ZDHHC3: variants seen among roughly 807,000 people sequenced by gnomAD.
The protein encoded by ZDHHC3 is zDHHC palmitoyltransferase 3.
In ZDHHC3, 9 loss-of-function variants were observed where a neutral mutation model predicts 30.6. The ratio of observed to expected loss-of-function variants is 0.29; its 90% confidence interval spans 0.18 to 0.51. ZDHHC3 has a LOEUF of 0.51. Among genes scored for constraint, ZDHHC3 ranks in the 20% least tolerant of loss-of-function variants. The pLI is 0.97. For missense variants in ZDHHC3, 246 were observed against 384.2 expected (o/e 0.64, Z 3.01); for synonymous variants, 136 against 140.2 (o/e 0.97, Z 0.21).
chr3:44,917,712 C>T lies in ZDHHC3; in HGVS notation c.*8977G>A, dbSNP rs185054734. Reference sequence around the variant, plus strand: ...TCCTCTGATGTCCCCAGCCTACTCCCGACCCCCAGACCTGGCCCAACATGG... The same window carrying T: ...TCCTCTGATGTCCCCAGCCTACTCCTGACCCCCAGACCTGGCCCAACATGG... On this transcript the variant is annotated 3_prime_UTR_variant, in exon 7 of 7. Coordinates refer to ENST00000424952, the MANE Select transcript of ZDHHC3 (RefSeq NM_001135179.2). 3.2e-5 allele frequency: 20 copies of T among 615,844 alleles called. No homozygotes were observed. Among genetic ancestry groups the T allele is most frequent in the African/African-American group, 1.2e-4 (6 of 51,624 alleles). 38.1% of individuals were successfully genotyped at this position (615,844 alleles called of 1,614,324 possible).
intron 2 of ZDHHC3, among the ~76,000 whole-genome samples, chr3:44,950,257 C>G (rs1444253510): frequency 6.6e-6 from 1 of 152,206 alleles, no homozygotes; most frequent in East Asian, 1.9e-4. Flanking sequence ...AAAGGGACAT[C>G]CTTTCCCCCA....
Position 44,921,576 on chromosome 3 carries a change from G to A in ZDHHC3, c.*5113C>T. 9 of 985,422 alleles carry A rather than the reference G, an allele frequency of 9.1e-6. No individual in the cohort carries two copies. Among genetic ancestry groups the A allele is most frequent in the Non-Finnish European group, 1.1e-5 (9 of 829,936 alleles). 61.0% of individuals were successfully genotyped at this position (985,422 alleles called of 1,614,324 possible). ...CAAACCATGAATGGCTGTGACCAAT[G>A]GTTTGAAAAGCACAGCTCCAACACA... On this transcript the variant is annotated 3_prime_UTR_variant, in exon 7 of 7. Transcript: ENST00000424952.
chr3:44,917,076 G>C lies in ZDHHC3; in HGVS notation c.*9613C>G, dbSNP rs1700224935. On this transcript the variant is annotated 3_prime_UTR_variant, in exon 7 of 7. Coordinates refer to ENST00000424952, the MANE Select transcript of ZDHHC3 (RefSeq NM_001135179.2). Reference sequence around the variant, plus strand: ...AGGGAGTCCCCAGTAGCTCCAAAGAGGTCCTTCCCATATCCACATCTGTGA... The same window carrying C: ...AGGGAGTCCCCAGTAGCTCCAAAGACGTCCTTCCCATATCCACATCTGTGA... 1 of 152,180 alleles carries C rather than the reference G, an allele frequency of 6.6e-6. No individual in the cohort carries two copies. The highest frequency in any genetic ancestry group is 2.4e-5 in the African/African-American group (1 of 41,432). The allele number at this position is 152,180 out of a possible 1,614,324, so 9.4% of individuals were successfully genotyped here.
At chr3:44,968,095 C>T (rs1178925538) in intron 1 of ZDHHC3, among the ~76,000 whole-genome samples, 2 of 152,124 alleles carry the variant, frequency 1.3e-5, no homozygotes, top group Non-Finnish European at 2.9e-5. Flanking sequence ...GCTCTGCTTG[C>T]CGTCACAGAC....
At chr3:44,933,578 T>G in intron 4 of ZDHHC3, 1 of 533,382 alleles carries the variant, frequency 1.9e-6, no homozygotes. Flanking sequence ...TCCACCTACC[T>G]GCACCTCAGG....
Position 44,947,206 on chromosome 3 carries a change from C to A in ZDHHC3, c.307-1914G>T, listed in dbSNP as rs183442464. ...CTGGTAAGTGGTGGCACGTCAAAAC[C>A]ATTAAGAGAGCAGAAGGAAGTTCTG... is the stretch of plus-strand genomic sequence containing the variant. On this transcript the variant is annotated intron_variant, in intron 2 of 6. Transcript: ENST00000424952. Among the ~76,000 whole-genome samples the A allele has an allele frequency of 2.0e-5, 3 of 152,126 alleles. No individual in the cohort carries two copies. The South Asian group carries it at 6.2e-4, about 32-fold the overall frequency.
At chr3:44,967,478 G>GTTC (rs1705054142) in intron 1 of ZDHHC3, among the ~76,000 whole-genome samples, 1 of 152,190 alleles carries the variant, frequency 6.6e-6, no homozygotes, top group East Asian at 1.9e-4. Flanking sequence ...GAGCCCAGGA[G>GTTC]TTAGAGACCA....
At chr3:44,931,098 T>C (rs1701449103) in intron 5 of ZDHHC3, among the ~76,000 whole-genome samples, 1 of 152,228 alleles carries the variant, frequency 6.6e-6, no homozygotes, top group Admixed American at 6.5e-5. Context: ...TTGTTTTGCT[T>C]ACTGCTGTAC....
Position 44,923,152 on chromosome 3 carries a change from T to G in ZDHHC3, c.*3537A>C. Reference sequence around the variant, plus strand: ...GTGCAGTGGTGCGATCTTGGCTCACTGCAAGCTCCACTTCCCGGGTTCACG... The same window carrying G: ...GTGCAGTGGTGCGATCTTGGCTCACGGCAAGCTCCACTTCCCGGGTTCACG... On this transcript the variant is annotated 3_prime_UTR_variant, in exon 7 of 7. Coordinates refer to ENST00000424952, the MANE Select transcript of ZDHHC3 (RefSeq NM_001135179.2). The G allele has an allele frequency of 1.3e-5, 12 of 930,346 alleles. No homozygotes were observed. The highest frequency in any genetic ancestry group is 1.5e-5 in the Non-Finnish European group (12 of 780,534). 57.6% of individuals were successfully genotyped at this position (930,346 alleles called of 1,614,324 possible).
chr3:44,968,449 C>A (rs1705140804), intron 1 of ZDHHC3, among the ~76,000 whole-genome samples: 1 of 152,210 alleles, frequency 6.6e-6, no homozygotes, highest in Non-Finnish European at 1.5e-5. Flanking sequence ...TGTAAGGACA[C>A]TTTGGGAGAC....
intron 2 of ZDHHC3, among the ~76,000 whole-genome samples, chr3:44,946,473 G>C (rs1248622078): frequency 6.6e-6 from 1 of 152,182 alleles, no homozygotes; most frequent in Non-Finnish European, 1.5e-5. Context: ...ATGGACTCAG[G>C]AATCACAGGA....
At chr3:44,973,221 A>G (rs1006185136) in intron 1 of ZDHHC3, among the ~76,000 whole-genome samples, 2 of 152,168 alleles carry the variant, frequency 1.3e-5, no homozygotes, top group African/African-American at 4.8e-5. Context: ...TCCTTCACCA[A>G]ATAATCTGGT....
At position 44,976,097 on chromosome 3, in the gene ZDHHC3, C is replaced by T. The variant is rs1222537904; in HGVS notation, c.-189G>A. 6.7e-6 allele frequency: 3 copies of T among 449,240 alleles called. No individual in the cohort carries two copies. The highest frequency in any genetic ancestry group is 1.1e-5 in the Non-Finnish European group (3 of 264,566). The allele number at this position is 449,240 out of a possible 1,614,324, so 27.8% of individuals were successfully genotyped here. ...TCTCTGGACTCGGCCAGACACCGGG[C>T]GGCGCGCAGGAGAAGCCCATCGAGC... On this transcript the variant is annotated 5_prime_UTR_variant, in exon 1 of 7. Coordinates refer to ENST00000424952, the MANE Select transcript of ZDHHC3 (RefSeq NM_001135179.2).
At position 44,924,365 on chromosome 3, in the gene ZDHHC3, A is replaced by G. The variant is rs1194017135; in HGVS notation, c.*2324T>C. 2 of 985,346 alleles carry G rather than the reference A, an allele frequency of 2.0e-6. No homozygotes were observed. The highest frequency in any genetic ancestry group is 2.4e-6 in the Non-Finnish European group (2 of 829,946). The allele number at this position is 985,346 out of a possible 1,614,324, so 61.0% of individuals were successfully genotyped here. A position where few individuals can be genotyped will look rare whatever the true frequency, so the allele number is the denominator to read the frequency against. ...TCAGTCTGAACAAAAATGAAATAGGAAAAATGCCAGGAACCTTGGGGTATT... is the reference window on the plus strand; with the variant it reads ...TCAGTCTGAACAAAAATGAAATAGGGAAAATGCCAGGAACCTTGGGGTATT... On this transcript the variant is annotated 3_prime_UTR_variant, in exon 7 of 7. Coordinates refer to ENST00000424952, the MANE Select transcript of ZDHHC3 (RefSeq NM_001135179.2).
intron 1 of ZDHHC3, among the ~76,000 whole-genome samples, chr3:44,967,669 C>T (rs1559723864): frequency 6.6e-6 from 1 of 151,994 alleles, no homozygotes; most frequent in Non-Finnish European, 1.5e-5. Context: ...TTATACATTG[C>T]AATGAACAGA....
chr3:44,973,172 T>C (rs1317580547), intron 1 of ZDHHC3, among the ~76,000 whole-genome samples: 2 of 152,228 alleles, frequency 1.3e-5, no homozygotes, highest in African/African-American at 4.8e-5. Context: ...ACTATATAGT[T>C]CATAGGACAG....
chr3:44,926,891 C>G, intron 6 of ZDHHC3, 44 bp from the exon 7 acceptor site: 1 of 1,547,534 alleles, frequency 6.5e-7, no homozygotes, highest in Admixed American at 2.0e-5. Context: ...CACTGCATTG[C>G]TGTGGTTTCT....
In ZDHHC3 at chr3:44,916,774, C is replaced by T. The variant is rs1333645883; in HGVS notation, c.*9915G>A. 2 of 152,224 alleles carry T rather than the reference C, an allele frequency of 1.3e-5. No homozygotes were observed. Among genetic ancestry groups the T allele is most frequent in the East Asian group, 3.9e-4 (2 of 5,180 alleles). The allele number at this position is 152,224 out of a possible 1,614,324, so 9.4% of individuals were successfully genotyped here. A position where few individuals can be genotyped will look rare whatever the true frequency, so the allele number is the denominator to read the frequency against. ...CTGCTCAGACCTTCAGCAGTGGTCA[C>T]AGACACCACAGGCTTCAAATGGGGT... On this transcript the variant is annotated 3_prime_UTR_variant, in exon 7 of 7. Coordinates refer to ENST00000424952, the MANE Select transcript of ZDHHC3 (RefSeq NM_001135179.2).
chr3:44,951,452 C>T (rs890399828), intron 2 of ZDHHC3, among the ~76,000 whole-genome samples: 1 of 152,146 alleles, frequency 6.6e-6, no homozygotes, highest in Non-Finnish European at 1.5e-5. Context: ...TAGTACCTTC[C>T]TTGACCCCTG....
Sources: allele counts gnomAD v4.1 joint callset (sites outside exome capture counted in the v4.1 genomes callset), GRCh38; gene constraint gnomAD v4.1.1; transcripts MANE v1.5; gene names NCBI Gene and HGNC (gene_info 2026-07-23, HGNC 2026-07-21).